ASIC2: variants seen among roughly 807,000 people sequenced by gnomAD.
ASIC2 encodes the protein acid sensing ion channel subunit 2.
Under a neutral mutation model 57.3 loss-of-function variants are expected in ASIC2, and 25 were observed. The ratio of observed to expected loss-of-function variants is 0.44; its 90% CI spans 0.32 to 0.61. The LOEUF is 0.61. Ranked by LOEUF, ASIC2 falls within the 20% of genes least tolerant of loss-of-function variation. The pLI is 0.06. For missense variants in ASIC2, 641 were observed against 738.1 expected (o/e 0.87, Z 1.52); for synonymous variants, 319 against 307.5 (o/e 1.04, Z -0.39).
At chr17:33,261,204 T>G (rs935684997) in intron 1 of ASIC2, among the ~76,000 whole-genome samples, 4 of 152,238 alleles carry the variant, frequency 2.6e-5, no homozygotes, top group Non-Finnish European at 5.9e-5. Flanking sequence ...TTTTTGCCTC[T>G]TATTTCCTAG....
intron 1 of ASIC2, among the ~76,000 whole-genome samples, chr17:33,276,296 G>C (rs1204375688): frequency 6.6e-6 from 1 of 152,004 alleles, no homozygotes; most frequent in African/African-American, 2.4e-5. Flanking sequence ...AACAAATGAG[G>C]GTATGAATGA....
intron 1 of ASIC2, among the ~76,000 whole-genome samples, chr17:33,675,306 G>A (rs1391235610): frequency 6.6e-6 from 1 of 152,200 alleles, no homozygotes; most frequent in African/African-American, 2.4e-5. Flanking sequence ...TGGCTGCAGT[G>A]TGTTGTAGGA....
At chr17:33,791,217 G>A (rs1256833634) in intron 1 of ASIC2, among the ~76,000 whole-genome samples, 1 of 152,196 alleles carries the variant, frequency 6.6e-6, no homozygotes, top group East Asian at 1.9e-4. Flanking sequence ...GCCTTCTTGT[G>A]GGTGAGGTAG....
At chr17:33,346,448 G>T (rs1907953216) in intron 1 of ASIC2, among the ~76,000 whole-genome samples, 1 of 152,116 alleles carries the variant, frequency 6.6e-6, no homozygotes, top group South Asian at 2.1e-4. Flanking sequence ...GAGATAGAAA[G>T]AATCGGGTGG....
Position 34,132,177 on chromosome 17 carries a change from A to T in ASIC2, c.555+23801T>A, listed in dbSNP as rs117574890. On this transcript the variant is annotated intron_variant, in intron 1 of 9. Transcript: ENST00000359872. The stretch of plus-strand genomic sequence containing the variant: ...TCAGAAAAGTGCTTTAACTTCCTTG[A>T]GTTTGAATCTCCTAGTGTGTCCGGA... 2.0e-3 allele frequency among the ~76,000 whole-genome samples: 300 copies of T among 152,096 alleles called. 1 individual carries two copies. The highest frequency in any genetic ancestry group is 3.2e-3 in the Admixed American group (49 of 15,286).
intron 1 of ASIC2, chr17:33,794,130 C>T (rs942220089): frequency 1.3e-5 from 2 of 152,178 alleles, no homozygotes; most frequent in African/African-American, 4.8e-5. Context: ...TGAGCTGCCT[C>T]CTAGGAGCCC....
At chr17:33,507,395 A>T (rs1325326063) in intron 1 of ASIC2, among the ~76,000 whole-genome samples, 5 of 152,038 alleles carry the variant, frequency 3.3e-5, no homozygotes, top group Non-Finnish European at 7.4e-5. Flanking sequence ...ATCTCATCTC[A>T]TTGGTTTGTT....
Position 33,330,359 on chromosome 17 carries a change from C to T in ASIC2, c.556-218292G>A, listed in dbSNP as rs370757016. Reference sequence around the variant, plus strand: ...AAGTGGCTGGACTTCTGGCCTCTTGCAGGACTGCAGGGAGGCTGCTGGGGA... The same window carrying T: ...AAGTGGCTGGACTTCTGGCCTCTTGTAGGACTGCAGGGAGGCTGCTGGGGA... On this transcript the variant is annotated intron_variant, in intron 1 of 9. Coordinates refer to the ASIC2 transcript ENST00000359872. Among the ~76,000 whole-genome samples, 37 of 152,298 alleles carry T rather than the reference C, an allele frequency of 2.4e-4. No individual in the cohort carries two copies. The South Asian group carries it at 7.5e-3, about 31-fold the overall frequency.
chr17:34,074,231 C>G (rs1909536602), intron 1 of ASIC2, among the ~76,000 whole-genome samples: 1 of 152,198 alleles, frequency 6.6e-6, no homozygotes, highest in Non-Finnish European at 1.5e-5. Flanking sequence ...ATTTTGAGAA[C>G]CACTGGCTAG....
intron 1 of ASIC2, among the ~76,000 whole-genome samples, chr17:33,892,646 A>G (rs780952326): frequency 6.6e-6 from 1 of 152,228 alleles, no homozygotes; most frequent in Non-Finnish European, 1.5e-5. Context: ...CACATGGGGC[A>G]TCCTTGAGAA....
In ASIC2 at chr17:33,566,873, C is replaced by T. The variant is rs201874221; in HGVS notation, c.556-454806G>A. Among the ~76,000 whole-genome samples, 10 of 152,138 alleles carry T rather than the reference C, an allele frequency of 6.6e-5. No homozygotes were observed. In the East Asian group the frequency reaches 1.9e-3, roughly 29 times the overall value. ...GCTCCTCTTAACTGCATTGCCTCCA[C>T]TCCTCTACACATGCCACATCCTTCC... On this transcript the variant is annotated intron_variant, in intron 1 of 9. Transcript: ENST00000359872.
intron 1 of ASIC2, among the ~76,000 whole-genome samples, chr17:33,386,295 T>A (rs962046812): frequency 1.2e-4 from 18 of 152,312 alleles, no homozygotes; most frequent in African/African-American, 3.8e-4. Context: ...TCCATGTGAC[T>A]GTCTGTCTCA....
At chr17:34,048,220 T>C (rs1005030326) in intron 1 of ASIC2, among the ~76,000 whole-genome samples, 2 of 152,228 alleles carry the variant, frequency 1.3e-5, no homozygotes, top group Non-Finnish European at 2.9e-5. Flanking sequence ...CTCTTAGCTA[T>C]TTCTAAATGT....
intron 1 of ASIC2, among the ~76,000 whole-genome samples, chr17:33,928,526 G>C (rs1485406494): frequency 1.3e-5 from 2 of 152,206 alleles, no homozygotes; most frequent in Non-Finnish European, 2.9e-5. Context: ...GCTGGCCCAA[G>C]TGCAGCCAAA....
intron 3 of ASIC2, among the ~76,000 whole-genome samples, chr17:33,040,597 G>C (rs1427174932): frequency 3.3e-5 from 5 of 152,194 alleles, no homozygotes; most frequent in Non-Finnish European, 5.9e-5. Flanking sequence ...TAAATGTTTA[G>C]GTCAGAACAT....
chr17:33,063,658 A>C (rs1390245244), intron 3 of ASIC2, among the ~76,000 whole-genome samples: 2 of 152,142 alleles, frequency 1.3e-5, no homozygotes, highest in Non-Finnish European at 2.9e-5. Flanking sequence ...GCTCTTCTCA[A>C]GGAGTATCTT....
At chr17:33,102,866 C>T (rs1324360993) in intron 2 of ASIC2, among the ~76,000 whole-genome samples, 1 of 152,196 alleles carries the variant, frequency 6.6e-6, no homozygotes, top group East Asian at 1.9e-4. Flanking sequence ...TCACTGCAAG[C>T]TCCGCCTTCC....
At chr17:33,831,732 C>T (rs1567728390) in intron 1 of ASIC2, among the ~76,000 whole-genome samples, 1 of 152,176 alleles carries the variant, frequency 6.6e-6, no homozygotes, top group Non-Finnish European at 1.5e-5. Context: ...ACAGCAGGCC[C>T]GTCTCTCCCA....
chr17:33,891,689 T>C (rs1294522660), intron 1 of ASIC2, among the ~76,000 whole-genome samples: 7 of 152,240 alleles, frequency 4.6e-5, no homozygotes, highest in Non-Finnish European at 1.0e-4. Context: ...TACCCACCTC[T>C]AACAAGATGT....
Sources: allele counts gnomAD v4.1 joint callset (sites outside exome capture counted in the v4.1 genomes callset), GRCh38; gene constraint gnomAD v4.1.1; transcripts MANE v1.5; gene names NCBI Gene and HGNC (gene_info 2026-07-23, HGNC 2026-07-21).